PTPRD: variants seen among roughly 807,000 people sequenced by gnomAD.
PTPRD encodes the protein receptor-type tyrosine-protein phosphatase delta.
In PTPRD, 34 loss-of-function variants were observed where a neutral mutation model predicts 214.5. The ratio of observed to expected loss-of-function variants is 0.16; its 90% CI spans 0.12 to 0.21. The LOEUF is 0.21. Ranked by LOEUF, PTPRD falls within the 10% of genes least tolerant of loss-of-function variation. PTPRD has a pLI of 1.00. For missense variants in PTPRD, 2,545 were observed against 2,398.7 expected (o/e 1.06, Z -1.27); for synonymous variants, 1,128 against 845.7 (o/e 1.33, Z -5.79).
At chr9:10,400,039 G>T (rs1266135543) in intron 2 of PTPRD, among the ~76,000 whole-genome samples, 2 of 151,776 alleles carry the variant, frequency 1.3e-5, no homozygotes, top group African/African-American at 4.8e-5. Context: ...CATTTTAGAG[G>T]AAAAACTTAG....
chr9:10,368,519 G>A (rs774543667), intron 2 of PTPRD, among the ~76,000 whole-genome samples: 1 of 151,954 alleles, frequency 6.6e-6, no homozygotes, highest in African/African-American at 2.4e-5. Context: ...ATAAATTAGA[G>A]GTGTTTATTT....
chr9:8,568,604 G>A (rs1594086995), intron 14 of PTPRD, among the ~76,000 whole-genome samples: 1 of 152,120 alleles, frequency 6.6e-6, no homozygotes, highest in South Asian at 2.1e-4. Flanking sequence ...AAAGGTCAGG[G>A]CTATATGTGT....
intron 8 of PTPRD, among the ~76,000 whole-genome samples, chr9:9,407,335 C>G (rs1249105995): frequency 6.6e-6 from 1 of 151,608 alleles, no homozygotes; most frequent in African/African-American, 2.4e-5. Context: ...ATCCAATTTA[C>G]TATTGATGAC....
rs560425759 is a variant in PTPRD at position 9,206,572 on chromosome 9, T to C, written c.-202-23209A>G. Among the ~76,000 whole-genome samples the C allele has an allele frequency of 5.3e-5, 8 of 152,234 alleles. No individual in the cohort carries two copies. In the South Asian group the frequency reaches 6.2e-4, roughly 12 times the overall value. ...CTAGGAGAGGCAGACTCACCCTCAA[T>C]GTGGGTGGGCACCATCTAATCAGCT... On this transcript the variant is annotated intron_variant, in intron 9 of 45. Coordinates refer to ENST00000381196, the MANE Select transcript of PTPRD (RefSeq NM_002839.4).
chr9:8,713,576 G>T, intron 12 of PTPRD: 1 of 1,504,350 alleles, frequency 6.6e-7, no homozygotes, highest in Non-Finnish European at 9.2e-7. Flanking sequence ...TCCCGGAGCG[G>T]CACCCACAAC....
intron 11 of PTPRD, among the ~76,000 whole-genome samples, chr9:8,995,243 T>C (rs1304090028): frequency 6.6e-6 from 1 of 152,084 alleles, no homozygotes; most frequent in African/African-American, 2.4e-5. Flanking sequence ...ATAATTACTT[T>C]ATTGGTTGTG....
At chr9:9,905,168 G>A (rs1005636481) in intron 5 of PTPRD, among the ~76,000 whole-genome samples, 1 of 151,834 alleles carries the variant, frequency 6.6e-6, no homozygotes, top group Non-Finnish European at 1.5e-5. Flanking sequence ...TTTTTTCAAA[G>A]TTCTTTCTAG....
At chr9:9,799,544 A>G (rs2099025152) in intron 5 of PTPRD, 1 of 152,220 alleles carries the variant, frequency 6.6e-6, no homozygotes. Flanking sequence ...TTGGGGGCAG[A>G]TAAGGAAGAG....
At chr9:8,726,311 G>A (rs1234393783) in intron 12 of PTPRD, among the ~76,000 whole-genome samples, 1 of 151,676 alleles carries the variant, frequency 6.6e-6, no homozygotes, top group Non-Finnish European at 1.5e-5. Flanking sequence ...AGGTACAGCT[G>A]GGTGTGGTGG....
At chr9:9,965,841 C>T (rs1405832107) in intron 4 of PTPRD, among the ~76,000 whole-genome samples, 2 of 152,184 alleles carry the variant, frequency 1.3e-5, no homozygotes. Flanking sequence ...GACAGCATGA[C>T]ATACAGTAGG....
At chr9:9,657,304 G>A (rs564301075) in intron 7 of PTPRD, among the ~76,000 whole-genome samples, 3 of 152,036 alleles carry the variant, frequency 2.0e-5, no homozygotes, top group African/African-American at 7.2e-5. Context: ...CCTTTGCAGG[G>A]ACATGGATGA....
At chr9:10,025,116 C>A (rs940661742) in intron 4 of PTPRD, among the ~76,000 whole-genome samples, 1 of 152,022 alleles carries the variant, frequency 6.6e-6, no homozygotes, top group Admixed American at 6.6e-5. Context: ...TTTATAGCAG[C>A]ATGATTTACA....
intron 3 of PTPRD, among the ~76,000 whole-genome samples, chr9:10,326,919 T>C (rs1221549983): frequency 6.6e-6 from 1 of 151,404 alleles, no homozygotes; most frequent in African/African-American, 2.4e-5. Flanking sequence ...TTATTTGGAA[T>C]ACAATAGAAC....
intron 4 of PTPRD, among the ~76,000 whole-genome samples, chr9:10,031,855 G>C (rs1181554491): frequency 6.6e-6 from 1 of 151,584 alleles, no homozygotes; most frequent in Admixed American, 6.6e-5. Flanking sequence ...GACAAGAGAT[G>C]GTGAATTGGC....
At position 9,723,941 on chromosome 9, in the gene PTPRD, T is replaced by C. The variant is rs2098023030; in HGVS notation, c.-287+10592A>G. On this transcript the variant is annotated intron_variant, in intron 7 of 45. Transcript: ENST00000381196. ...TTAGGATTTTCTACATATACAATTA[T>C]GTAATCTAGAGATAGAGATTCTTTC... Among the ~76,000 whole-genome samples the C allele has an allele frequency of 2.0e-5, 3 of 152,110 alleles. No homozygotes were observed. In the South Asian group the frequency reaches 6.2e-4, roughly 32 times the overall value.
chr9:9,657,710 C>T (rs1355740250), intron 7 of PTPRD, among the ~76,000 whole-genome samples: 2 of 152,084 alleles, frequency 1.3e-5, no homozygotes, highest in African/African-American at 4.8e-5. Context: ...TAAAAGAATA[C>T]AAGATTGAAG....
At chr9:8,618,291 T>C (rs1202895772) in intron 14 of PTPRD, among the ~76,000 whole-genome samples, 1 of 152,226 alleles carries the variant, frequency 6.6e-6, no homozygotes, top group Admixed American at 6.5e-5. Flanking sequence ...CAGATTACCA[T>C]GTCCCTTAAT....
intron 9 of PTPRD, among the ~76,000 whole-genome samples, chr9:9,221,574 G>C (rs1287596442): frequency 6.6e-6 from 1 of 151,964 alleles, no homozygotes; most frequent in Non-Finnish European, 1.5e-5. Context: ...CTCTCCTTGT[G>C]TGCTCCATGG....
intron 39 of PTPRD, among the ~76,000 whole-genome samples, chr9:8,370,829 A>T (rs2081317889): frequency 6.6e-6 from 1 of 152,094 alleles, no homozygotes; most frequent in Non-Finnish European, 1.5e-5. Context: ...CATGGGGAAC[A>T]TAATGGCCTT....
Sources: gnomAD v4.1 joint callset for allele counts (sites outside exome capture counted in the v4.1 genomes callset) on GRCh38, gnomAD v4.1.1 for gene constraint, MANE v1.5 for transcripts, NCBI Gene and HGNC (gene_info 2026-07-23, HGNC 2026-07-21) for gene names.